Variants in PASK observed in about 807,000 individuals in gnomAD.
The protein encoded by PASK is PAS domain containing serine/threonine kinase, also known as PAS domain-containing serine/threonine-protein kinase.
A neutral mutation model predicts 121.0 loss-of-function variants in PASK; 110 were observed. The observed-to-expected ratio is 0.91, with a 90% CI of 0.78 to 1.06. PASK has a LOEUF of 1.06. Among genes scored for constraint, PASK ranks in the 50% least tolerant of loss-of-function variants. The probability of loss-of-function intolerance (pLI) is 0.00; values close to 1 mark genes in which losing one functional copy is unlikely to be tolerated. For missense variants in PASK, 1,643 were observed against 1,702.3 expected (o/e 0.97, Z 0.61); for synonymous variants, 686 against 717.8 (o/e 0.96, Z 0.71).
chr2:241,135,775 C>T, intron 8 of PASK, 96 bp downstream of exon 8: 1 of 1,202,910 alleles, frequency 8.3e-7, no homozygotes, highest in Non-Finnish European at 1.2e-6. Flanking sequence ...TCTGGAGGGA[C>T]AATAGCTCCT....
intron 8 of PASK, 72 bp from the exon 9 acceptor site, chr2:241,133,102 G>T: frequency 6.9e-7 from 1 of 1,444,292 alleles, no homozygotes; most frequent in Non-Finnish European, 9.7e-7. Context: ...TCATTCGCCT[G>T]GAACTCACTG....
chr2:241,125,557 G>A (rs546514485), intron 10 of PASK, among the ~76,000 whole-genome samples: 44 of 147,496 alleles, frequency 3.0e-4, no homozygotes, highest in African/African-American at 1.1e-3. Flanking sequence ...CTGAGATCGC[G>A]CTACTGCACT....
At chr2:241,125,962 G>A (rs1381646642) in intron 10 of PASK, among the ~76,000 whole-genome samples, 1 of 152,228 alleles carries the variant, frequency 6.6e-6, no homozygotes, top group Non-Finnish European at 1.5e-5. Flanking sequence ...AGCTGGAACT[G>A]ACGGGCATGG....
Position 241,142,738 on chromosome 2 carries a change from T to G in PASK, c.196+99A>C, listed in dbSNP as rs899320575. On this transcript the variant is annotated intron_variant, in intron 2 of 17. Coordinates refer to ENST00000234040, the MANE Select transcript of PASK (RefSeq NM_015148.4). ...CGAACTTTTCTCTGCAGGAATAGAG[T>G]GACTTCAATCCCTGGTGAGAGGGTT... 6 of 929,926 alleles carry G rather than the reference T, an allele frequency of 6.5e-6. No homozygotes were observed. In the African/African-American group the frequency reaches 8.1e-5, roughly 13 times the overall value. 57.6% of individuals were successfully genotyped at this position (929,926 alleles called of 1,614,324 possible).
chr2:241,140,992 T>A (rs1230274887), intron 2 of PASK: 12 of 562,554 alleles, frequency 2.1e-5, no homozygotes, highest in Non-Finnish European at 3.9e-5. Context: ...CACTTCTGTG[T>A]CTAAATTACA....
rs2125452308 is a variant in PASK at position 241,140,566 on chromosome 2, G to A, written c.384C>T (p.Cys128=). ...CCGTGAAGATGGCCTTGTTAGGGTT[G>A]CACACAGGGGCCGGAAGCAGAGGTG... is the stretch of plus-strand genomic sequence containing the variant. ...WSSPLLPAPV[C]NPNKAIFTVD... The change falls in exon 3 of 18, where the codon TGC becomes TGT. Residue 128 remains cysteine, a synonymous_variant. Coordinates refer to ENST00000234040, the MANE Select transcript of PASK (RefSeq NM_015148.4). 3.1e-6 allele frequency: 5 copies of A among 1,613,980 alleles called. No individual in the cohort carries two copies. Among genetic ancestry groups the A allele is most frequent in the Non-Finnish European group, 3.4e-6 (4 of 1,179,880 alleles).
At chr2:241,122,231 G>C (rs1199508215) in intron 12 of PASK, among the ~76,000 whole-genome samples, 2 of 151,662 alleles carry the variant, frequency 1.3e-5, no homozygotes, top group Non-Finnish European at 2.9e-5. Context: ...TAAATCCAAA[G>C]TAAGAAAAAA....
chr2:241,114,016 T>C (rs2065224099), intron 14 of PASK: 1 of 984,480 alleles, frequency 1.0e-6, no homozygotes, highest in Non-Finnish European at 1.2e-6. Flanking sequence ...ATAAACACCA[T>C]AATTATGTGT....
chr2:241,147,486 T>C (rs907171744), intron 1 of PASK, among the ~76,000 whole-genome samples: 2 of 151,694 alleles, frequency 1.3e-5, no homozygotes, highest in African/African-American at 4.8e-5. Flanking sequence ...CAAGGTGTGG[T>C]GGCACATGCT....
Position 241,138,157 on chromosome 2 carries a change from A to G in PASK, c.742-70T>C. The G allele has an allele frequency of 2.6e-6, 4 of 1,556,366 alleles. No homozygotes were observed. The South Asian group carries it at 3.5e-5, about 13-fold the overall frequency. ...CAGCTGTAAATTTAACTAAGCTTCA[A>G]TATGTTCAAGCCAAAAGCAAGACCC... On this transcript the variant is annotated intron_variant, in intron 5 of 17. Transcript: ENST00000234040.
chr2:241,144,309 T>C (rs1197811047), intron 1 of PASK, among the ~76,000 whole-genome samples: 2 of 152,188 alleles, frequency 1.3e-5, no homozygotes, highest in African/African-American at 2.4e-5. Context: ...CCTGTCCTCA[T>C]GGCCAAACTC....
At chr2:241,135,772 G>A (rs923208850) in intron 8 of PASK, 99 bp downstream of exon 8, 1 of 1,168,842 alleles carries the variant, frequency 8.6e-7, no homozygotes, top group Non-Finnish European at 1.3e-6. Context: ...GCCTCTGGAG[G>A]GACAATAGCT....
At chr2:241,124,227 G>A in intron 10 of PASK, 94 bp from the exon 11 acceptor site, 1 of 991,094 alleles carries the variant, frequency 1.0e-6, no homozygotes, top group Non-Finnish European at 1.6e-6. Context: ...GAATGCAACA[G>A]TCCAATCCCC....
intron 15 of PASK, chr2:241,109,452 A>T (rs1207420211): frequency 6.6e-6 from 1 of 151,530 alleles, no homozygotes; most frequent in African/African-American, 2.4e-5. Context: ...CAGAACCAGA[A>T]TTAGACAAGG....
chr2:241,122,964 C>T, intron 11 of PASK, 65 bp from the exon 12 acceptor site: 1 of 1,525,076 alleles, frequency 6.6e-7, no homozygotes, highest in South Asian at 1.2e-5. Context: ...GCAGCACCCA[C>T]AGTGGTCCCC....
At chr2:241,143,711 G>T (rs1436571639) in intron 1 of PASK, among the ~76,000 whole-genome samples, 2 of 152,152 alleles carry the variant, frequency 1.3e-5, no homozygotes, top group East Asian at 3.9e-4. Flanking sequence ...ATACTCCCAG[G>T]TCATGATGAA....
chr2:241,119,688 T>C (rs1193239358), intron 12 of PASK, among the ~76,000 whole-genome samples: 1 of 152,162 alleles, frequency 6.6e-6, no homozygotes, highest in Non-Finnish European at 1.5e-5. Context: ...GCCAGGATGG[T>C]CTCGATCTCC....
rs10167000 is a variant in PASK, at chr2:241,108,206, C to T, written c.3628G>A (p.Val1210Met). ...ENPFCELEET[V>M]EAAIHPPYLV... ...TATGGCGGGTGTATGGCAGCCTCCA[C>T]GGTCTCCTCCAGCTCACAGAAGGGG... is the stretch of plus-strand genomic sequence containing the variant. Residue 1210 changes from valine (V) to methionine (M), a missense_variant, in exon 16 of 18, where the codon GTG (valine) becomes ATG (methionine). Val to Met is a conservative substitution (Grantham distance 21, BLOSUM62 1). Transcript: ENST00000234040. The surrounding 1 kb of genome is among the most constrained non-coding windows in gnomAD (Gnocchi z 5.2). The T allele has an allele frequency of 7.5e-3, 12,139 of 1,613,858 alleles. 717 individuals carry two copies. The African/African-American group carries it at 0.13, about 18-fold the overall frequency.
chr2:241,140,796 G>A lies in PASK; in HGVS notation c.197-43C>T, dbSNP rs2066667711. 2.3e-6 allele frequency: 3 copies of A among 1,318,818 alleles called. No homozygotes were observed. The South Asian group carries it at 3.6e-5, about 16-fold the overall frequency. 81.7% of individuals were successfully genotyped at this position (1,318,818 alleles called of 1,614,324 possible). A position where few individuals can be genotyped will look rare whatever the true frequency, so the allele number is the denominator to read the frequency against. On this transcript the variant is annotated intron_variant, in intron 2 of 17. Transcript: ENST00000234040. ...GCGAAGCTTTAGACTTCACACAGCT[G>A]CCAGAGTCCACCTTCTGAAACAGGC...
Sources: gnomAD v4.1 joint callset for allele counts (sites outside exome capture counted in the v4.1 genomes callset) on GRCh38, gnomAD v4.1.1 for gene constraint, Gnocchi (gnomAD v3.1) non-coding constraint, MANE v1.5 for transcripts, NCBI Gene and HGNC (gene_info 2026-07-23, HGNC 2026-07-21) for gene names.